Variants in AOX1 observed in about 807,000 individuals in gnomAD.
AOX1 encodes aldehyde oxidase.
Under a neutral mutation model 169.5 loss-of-function variants are expected in AOX1, and 153 were observed. That is an observed-to-expected ratio of 0.90 (90% CI 0.79 to 1.03). The LOEUF (loss-of-function observed/expected upper bound fraction) is 1.03. Among genes scored for constraint, AOX1 ranks in the 50% least tolerant of loss-of-function variants. AOX1 has a pLI of 0.00. For synonymous variants in AOX1, 562 were observed against 581.9 expected (o/e 0.97, Z 0.49); for missense variants, 1,656 against 1,663.9 (o/e 1.00, Z 0.08).
intron 1 of AOX1, among the ~76,000 whole-genome samples, chr2:200,589,429 G>A (rs2034122783): frequency 1.3e-5 from 2 of 152,188 alleles, no homozygotes; most frequent in African/African-American, 4.8e-5. Flanking sequence ...AAAGGTATGG[G>A]CCTTAGAACT....
intron 20 of AOX1, among the ~76,000 whole-genome samples, chr2:200,628,078 A>G (rs1311794813): frequency 6.6e-6 from 1 of 152,172 alleles, no homozygotes; most frequent in Non-Finnish European, 1.5e-5. Flanking sequence ...TTCCAGTACA[A>G]TTCCTTAACT....
At chr2:200,595,210 G>T in intron 2 of AOX1, 62 bp from the exon 3 acceptor site, 1 of 1,255,676 alleles carries the variant, frequency 8.0e-7, no homozygotes. Flanking sequence ...TCTCCTAGTG[G>T]CAGGGCTATT....
downstream of AOX1, among the ~76,000 whole-genome samples, chr2:200,672,546 T>A (rs2036044456): frequency 6.6e-6 from 1 of 152,248 alleles, no homozygotes; most frequent in Non-Finnish European, 1.5e-5. Flanking sequence ...CATTTTACTC[T>A]GTGCCAGGCA....
intron 19 of AOX1, among the ~76,000 whole-genome samples, chr2:200,625,207 T>C (rs1174456987): frequency 6.6e-6 from 1 of 152,196 alleles, no homozygotes; most frequent in Non-Finnish European, 1.5e-5. Context: ...CTCAGGCCCT[T>C]TTCATTTACA....
intron 19 of AOX1, among the ~76,000 whole-genome samples, chr2:200,626,074 G>A (rs2034997283): frequency 6.6e-6 from 1 of 152,196 alleles, no homozygotes; most frequent in African/African-American, 2.4e-5. Context: ...AGCTCACTGT[G>A]TGGTCAACAT....
chr2:200,677,763 T>G (rs1354531950), downstream of AOX1, among the ~76,000 whole-genome samples: 1 of 152,216 alleles, frequency 6.6e-6, no homozygotes, highest in Non-Finnish European at 1.5e-5. Context: ...GTGCTCCTTG[T>G]TTTTCATTGT....
chr2:200,589,386 T>C (rs983053192), intron 1 of AOX1, among the ~76,000 whole-genome samples: 3 of 152,114 alleles, frequency 2.0e-5, no homozygotes, highest in Non-Finnish European at 4.4e-5. Flanking sequence ...AAATGAAGCA[T>C]GTCATTTCAT....
intron 16 of AOX1, 139 bp downstream of exon 16, chr2:200,616,202 G>A: frequency 2.3e-5 from 14 of 616,006 alleles, no homozygotes; most frequent in Non-Finnish European, 4.0e-5. Context: ...CCTCTTTATG[G>A]GTAACTAAAA....
chr2:200,595,660 C>A (rs1417376530), intron 3 of AOX1, among the ~76,000 whole-genome samples: 1 of 151,918 alleles, frequency 6.6e-6, no homozygotes, highest in Non-Finnish European at 1.5e-5. Flanking sequence ...GAGTTTGAGT[C>A]CAGCCTGGGC....
intron 12 of AOX1, 103 bp downstream of exon 12, chr2:200,609,517 A>T: frequency 1.1e-6 from 1 of 896,554 alleles, no homozygotes. Context: ...TTTCCCTATA[A>T]TATCAATACA....
chr2:200,586,723 A>G (rs13383127), intron 1 of AOX1, among the ~76,000 whole-genome samples: 1,657 of 152,290 alleles, frequency 0.011, 40 homozygotes, highest in African/African-American at 0.037. Flanking sequence ...GCAGAGCTGA[A>G]CCCAAGTCAG....
downstream of AOX1, among the ~76,000 whole-genome samples, chr2:200,675,973 GAATA>G (rs2036092524): frequency 1.3e-5 from 2 of 151,300 alleles, no homozygotes; most frequent in Non-Finnish European, 2.9e-5. Flanking sequence ...AAAATAGCAT[GAATA>G]GTTTGAGTTC....
In AOX1 at chr2:200,586,226, C is replaced by T. The variant is rs912254172; in HGVS notation, c.45+73C>T. 1.3e-5 allele frequency: 19 copies of T among 1,430,724 alleles called. No individual in the cohort carries two copies. In the Admixed American group the frequency reaches 1.5e-4, roughly 12 times the overall value. The allele number at this position is 1,430,724 out of a possible 1,614,324, so 88.6% of individuals were successfully genotyped here. On this transcript the variant is annotated intron_variant, in intron 1 of 34. Transcript: ENST00000374700. ...GGGGCAGAGAGGAGCCCCTGCCGTTCGTCCCATCCTTTCGTGCCCGCCGTT... is the reference window on the plus strand; with the variant it reads ...GGGGCAGAGAGGAGCCCCTGCCGTTTGTCCCATCCTTTCGTGCCCGCCGTT...
rs905687428 is a variant in AOX1 at position 200,664,609 on chromosome 2, T to A, written c.3543+1640T>A. On this transcript the variant is annotated intron_variant, in intron 31 of 34. Coordinates refer to ENST00000374700, the MANE Select transcript of AOX1 (RefSeq NM_001159.4). ...AACTTATTTGAATGATCTTAGGGGA[T>A]GTGTCATATAGCCTCATCAGATGCC... 2.0e-5 allele frequency among the ~76,000 whole-genome samples: 3 copies of A among 152,236 alleles called. No homozygotes were observed. The South Asian group carries it at 6.2e-4, about 31-fold the overall frequency.
Position 200,604,072 on chromosome 2 carries a change from A to G in AOX1, c.644A>G (p.Glu215Gly). The G allele has an allele frequency of 6.2e-7, 1 of 1,613,122 alleles. No homozygotes were observed. Among genetic ancestry groups the G allele is most frequent in the Non-Finnish European group, 8.5e-7 (1 of 1,179,088 alleles). The change falls in exon 8 of 35, where the codon GAA becomes GGA. Residue 215 changes from glutamate (E) to glycine (G), a missense_variant. Coordinates refer to ENST00000374700, the MANE Select transcript of AOX1 (RefSeq NM_001159.4). ...EEFLPLDPTQELIFPPELMIM... is the reference protein window; with the variant it reads ...EEFLPLDPTQGLIFPPELMIM... ...TTTCTGCCATTGGATCCAACCCAGG[A>G]ACTGATATTTCCTCCTGAGCTAATG...
chr2:200,649,756 GC>G (rs2035542624), intron 25 of AOX1, among the ~76,000 whole-genome samples: 1 of 152,234 alleles, frequency 6.6e-6, no homozygotes, highest in East Asian at 1.9e-4. Flanking sequence ...CTCTCTCTCA[GC>G]CCCTTCTCCT....
chr2:200,674,115 C>T (rs958287025), downstream of AOX1, among the ~76,000 whole-genome samples: 32 of 152,242 alleles, frequency 2.1e-4, no homozygotes, highest in Non-Finnish European at 4.0e-4. Flanking sequence ...CAGTGGCCCA[C>T]GCCGGTGCTT....
intron 20 of AOX1, among the ~76,000 whole-genome samples, chr2:200,631,674 G>A (rs1243468730): frequency 6.6e-6 from 1 of 152,142 alleles, no homozygotes; most frequent in Non-Finnish European, 1.5e-5. Flanking sequence ...GTCAGGGTAG[G>A]CAGTGCAATA....
Position 200,669,595 on chromosome 2 carries a change from G to T in AOX1, c.3819G>T (p.Val1273=). ...TCAAGGGTCTGGGAGAGTCGGGGGT[G>T]TTCCTGGGGTGTTCCGTGTTTTTCG... ...YSSKGLGESG[V]FLGCSVFFAI... is the part of the protein sequence containing the mutation. The change falls in exon 34 of 35, where the codon GTG becomes GTT. Residue 1273 remains valine (V), a synonymous_variant. Coordinates refer to ENST00000374700, the MANE Select transcript of AOX1 (RefSeq NM_001159.4). 6.2e-7 allele frequency: 1 copy of T among 1,614,048 alleles called. No homozygotes were observed. Among genetic ancestry groups the T allele is most frequent in the Admixed American group, 1.7e-5 (1 of 60,008 alleles).
Sources: allele counts gnomAD v4.1 joint callset (sites outside exome capture counted in the v4.1 genomes callset), GRCh38; gene constraint gnomAD v4.1.1; transcripts MANE v1.5; gene names NCBI Gene and HGNC (gene_info 2026-07-23, HGNC 2026-07-21).